MARK2: variants seen among roughly 807,000 people sequenced by gnomAD.
The protein encoded by MARK2 is serine/threonine-protein kinase MARK2.
MARK2 carries 16 observed loss-of-function variants against 89.8 expected under a neutral mutation model. The observed-to-expected ratio is 0.18, with a 90% CI of 0.12 to 0.27. The LOEUF (loss-of-function observed/expected upper bound fraction) is 0.27, where lower values mean the gene tolerates loss of function less well. Ranked by LOEUF, MARK2 falls within the 10% of genes least tolerant of loss-of-function variation. The pLI is 1.00. For synonymous variants in MARK2, 382 were observed against 399.5 expected, an observed-to-expected ratio of 0.96 and a Z score of 0.52; for missense variants, 621 against 1,049.9, an observed-to-expected ratio of 0.59 and a Z score of 5.65.
At position 63,887,326 on chromosome 11, in the gene MARK2, G is replaced by A. The variant is rs534811885; in HGVS notation, c.55-7833G>A. On this transcript the variant is annotated intron_variant, in intron 1 of 18. Transcript: ENST00000402010. ...CCCCAGCTCTGTACTGAGAAGCTGT[G>A]AGATTTTGGGCAAGTCTCATAACCT... 7.0e-4 allele frequency among the ~76,000 whole-genome samples: 106 copies of A among 152,362 alleles called. 1 individual carries two copies. Among genetic ancestry groups the A allele is most frequent in the Non-Finnish European group, 1.2e-3 (85 of 68,044 alleles).
chr11:63,905,641 G>T (rs1371001840), intron 16 of MARK2, among the ~76,000 whole-genome samples: 1 of 152,232 alleles, frequency 6.6e-6, no homozygotes, highest in Non-Finnish European at 1.5e-5. Flanking sequence ...CCAGGGTGGG[G>T]ATCTCTTCAC....
chr11:63,883,805 T>G (rs2135295512), intron 1 of MARK2, among the ~76,000 whole-genome samples: 1 of 152,280 alleles, frequency 6.6e-6, no homozygotes, highest in Non-Finnish European at 1.5e-5. Flanking sequence ...CAGGCTGGCC[T>G]CGAGTTCCTA....
At position 63,895,585 on chromosome 11, in the gene MARK2, T is replaced by C. The variant is rs772863897; in HGVS notation, c.240T>C (p.Ala80=). 2 of 1,613,450 alleles carry C rather than the reference T, an allele frequency of 1.2e-6. No individual in the cohort carries two copies. Among genetic ancestry groups the C allele is most frequent in the East Asian group, 2.2e-5 (1 of 44,868 alleles). The change falls in exon 3 of 19, where the codon GCT becomes GCC. Residue 80 remains alanine (A), a synonymous_variant. Coordinates refer to ENST00000402010, the MANE Select transcript of MARK2 (RefSeq NM_001039469.3). ...CCTTTTTGTCTCATCCTCAGGTAGC[T>C]GTGAAGATCATTGACAAGACTCAAC... The part of the protein sequence containing the change: ...ARHILTGKEV[A]VKIIDKTQLN...
chr11:63,879,918 G>T (rs1241311856), intron 1 of MARK2, among the ~76,000 whole-genome samples: 2 of 152,140 alleles, frequency 1.3e-5, no homozygotes, highest in African/African-American at 4.8e-5. Context: ...TCCAGAGAAA[G>T]ATGCAGCAGG....
chr11:63,893,227 C>A lies in MARK2; in HGVS notation c.55-1932C>A, dbSNP rs1590657261. Among the ~76,000 whole-genome samples the A allele has an allele frequency of 2.0e-5, 3 of 150,964 alleles. No homozygotes were observed. In the Admixed American group the frequency reaches 2.0e-4, roughly 10 times the overall value. Reference sequence around the variant, plus strand: ...AGAGACAGAGTCTCCCTATGTTGCCCAGGCTCGTCTCAAGCTCCTGGCCTC... The same window carrying A: ...AGAGACAGAGTCTCCCTATGTTGCCAAGGCTCGTCTCAAGCTCCTGGCCTC... On this transcript the variant is annotated intron_variant, in intron 1 of 18. Transcript: ENST00000402010.
chr11:63,897,844 G>T (rs1025463475), intron 3 of MARK2, among the ~76,000 whole-genome samples: 1 of 152,174 alleles, frequency 6.6e-6, no homozygotes, highest in Non-Finnish European at 1.5e-5. Flanking sequence ...CCTTTACACA[G>T]ACCAAGCTGG....
Position 63,881,166 on chromosome 11 carries a change from A to G in MARK2, c.55-13993A>G, listed in dbSNP as rs2135288422. On this transcript the variant is annotated intron_variant, in intron 1 of 18. Transcript: ENST00000402010. Reference sequence around the variant, plus strand: ...AAAAAAAAAAACAAATTAGCCAGGCATGGTGGTGGGCACCTGTAATCCCAG... The same window carrying G: ...AAAAAAAAAAACAAATTAGCCAGGCGTGGTGGTGGGCACCTGTAATCCCAG... 2.6e-5 allele frequency among the ~76,000 whole-genome samples: 4 copies of G among 151,934 alleles called. 1 individual carries two copies. The highest frequency in any genetic ancestry group is 6.9e-3 in the Middle Eastern group (2 of 290).
At chr11:63,880,277 C>T (rs1436992217) in intron 1 of MARK2, 1 of 151,106 alleles carries the variant, frequency 6.6e-6, no homozygotes, top group Non-Finnish European at 1.5e-5. Context: ...TTTTGCTTTT[C>T]TGTAACAGGA....
At position 63,895,285 on chromosome 11, in the gene MARK2, A is replaced by C; in HGVS notation, c.181A>C (p.Lys61Gln). 6.2e-7 allele frequency: 1 copy of C among 1,614,074 alleles called. No homozygotes were observed. Among genetic ancestry groups the C allele is most frequent in the Non-Finnish European group, 8.5e-7 (1 of 1,180,010 alleles). The change falls in exon 2 of 19, where the codon AAG becomes CAG. Residue 61 changes from lysine (K) to glutamine (Q), a missense_variant. By Grantham distance (53) the Lys-to-Gln change is moderately conservative (BLOSUM62 1). Around this residue, in one of 5 missense-constraint regions of MARK2, gnomAD observed 82 missense variants for 287.7 expected, o/e 0.29. Transcript: ENST00000402010. ...GNYRLLKTIG[K>Q]GNFAKVKLAR... ...CTACCGGCTCCTCAAGACCATTGGC[A>C]AGGGTAATTTTGCCAAGGTGAAGTT...
chr11:63,869,772 T>C (rs980770154), intron 1 of MARK2, among the ~76,000 whole-genome samples: 1 of 152,178 alleles, frequency 6.6e-6, no homozygotes, highest in Non-Finnish European at 1.5e-5. Context: ...GGAGCCAGAC[T>C]TTTAGGCAGG....
chr11:63,895,125 G>A (rs2135325555), intron 1 of MARK2, 34 bp from the exon 2 acceptor site: 2 of 1,587,070 alleles, frequency 1.3e-6, no homozygotes, highest in South Asian at 1.1e-5. Flanking sequence ...CTGGAAGTGT[G>A]GCATGTAATG....
At chr11:63,908,189 CA>C in intron 17 of MARK2, 70 bp from the exon 18 acceptor site, 1 of 1,390,812 alleles carries the variant, frequency 7.2e-7, no homozygotes, top group Non-Finnish European at 1.0e-6. Context: ...GACCCACTCT[CA>C]TCTGGGTCTG....
intron 1 of MARK2, among the ~76,000 whole-genome samples, chr11:63,866,029 C>T (rs966540326): frequency 8.5e-5 from 13 of 152,074 alleles, no homozygotes; most frequent in Admixed American, 2.0e-4. Context: ...TCCTCTATTT[C>T]GTTTGGTTTT....
chr11:63,877,376 G>A (rs2135279211), intron 1 of MARK2, among the ~76,000 whole-genome samples: 1 of 152,264 alleles, frequency 6.6e-6, no homozygotes, highest in East Asian at 1.9e-4. Context: ...CTCCCAGAGT[G>A]CTGGGATTAC....
rs141455628 is a variant in MARK2 at position 63,870,741 on chromosome 11, A to T, written c.55-24418A>T. Among the ~76,000 whole-genome samples, 961 of 152,330 alleles carry T rather than the reference A, an allele frequency of 6.3e-3. 10 individuals are homozygous for T. Among genetic ancestry groups the T allele is most frequent in the Non-Finnish European group, 8.5e-3 (581 of 68,024 alleles). ...GGGAAATGTCCGGAGAGACCCTGTG[A>T]AGTGATGCAGGGATCAGGAAAGCTT... On this transcript the variant is annotated intron_variant, in intron 1 of 18. Coordinates refer to ENST00000402010, the MANE Select transcript of MARK2 (RefSeq NM_001039469.3).
In MARK2 at chr11:63,904,545, C is replaced by T. The variant is rs1418630339; in HGVS notation, c.1677-241C>T. 6.6e-6 allele frequency among the ~76,000 whole-genome samples: 1 copy of T among 152,106 alleles called. No homozygotes were observed. Among genetic ancestry groups the T allele is most frequent in the Non-Finnish European group, 1.5e-5 (1 of 67,986 alleles). On this transcript the variant is annotated intron_variant, in intron 15 of 18. Coordinates refer to ENST00000402010, the MANE Select transcript of MARK2 (RefSeq NM_001039469.3). The surrounding 1 kb of genome is among the most constrained non-coding windows in gnomAD (Gnocchi z 6.3). ...CCCGCTGTCTCCAGCCTAAACCACA[C>T]TCCACACAGGGGTCCTTCCTTGCCT...
rs750155967 is a variant in MARK2, at chr11:63,910,652, A to ATTTTTTTTTTTTTTTTTTTTTTTTT, written c.*1429_*1430insTTTTTTTTTTTTTTTTTTTTTTTTT. ...GTTTTATTTTTTATTATTTTATTTTATTTTTTTTTTTTTTGATTTATGATG... is the reference window on the plus strand; with the variant it reads ...GTTTTATTTTTTATTATTTTATTTTATTTTTTTTTTTTTTTTTTTTTTTTTTTTTTTTTTTTTTTGATTTATGATG... On this transcript the variant is annotated 3_prime_UTR_variant, in exon 19 of 19. Coordinates refer to ENST00000402010, the MANE Select transcript of MARK2 (RefSeq NM_001039469.3). The ATTTTTTTTTTTTTTTTTTTTTTTTT allele has an allele frequency of 7.3e-6, 1 of 137,436 alleles. No homozygotes were observed. The highest frequency in any genetic ancestry group is 1.6e-5 in the Non-Finnish European group (1 of 64,268). 8.5% of individuals were successfully genotyped at this position (137,436 alleles called of 1,614,324 possible).
chr11:63,878,572 T>C (rs894150386), intron 1 of MARK2, among the ~76,000 whole-genome samples: 24 of 151,846 alleles, frequency 1.6e-4, no homozygotes, highest in African/African-American at 5.3e-4. Context: ...GATTTCACCG[T>C]GTTAGCCAGG....
chr11:63,853,715 A>T (rs1359643402), intron 1 of MARK2, among the ~76,000 whole-genome samples: 1 of 152,240 alleles, frequency 6.6e-6, no homozygotes, highest in African/African-American at 2.4e-5. Context: ...AGGAAGTGGC[A>T]CTAAGCTCTA....
Sources: allele counts gnomAD v4.1 joint callset (sites outside exome capture counted in the v4.1 genomes callset), GRCh38; gene constraint gnomAD v4.1.1; regional missense constraint gnomAD v4.1.1; non-coding constraint Gnocchi (gnomAD v3.1); transcripts MANE v1.5; gene names NCBI Gene and HGNC (gene_info 2026-07-23, HGNC 2026-07-21).